Variants in ASCC3 observed in about 807,000 individuals in gnomAD.
ASCC3 encodes the protein ASC-1 complex subunit P200.
In ASCC3, 158 loss-of-function variants were observed where a neutral mutation model predicts 256.3. That is an observed-to-expected ratio of 0.62 (90% CI 0.54 to 0.70). The LOEUF (loss-of-function observed/expected upper bound fraction) is 0.70. Among genes scored for constraint, ASCC3 ranks in the 30% least tolerant of loss-of-function variants. The pLI, the probability that ASCC3 is intolerant of heterozygous loss-of-function variation, is 0.00. For missense variants in ASCC3, 2,259 were observed against 2,626.0 expected (o/e 0.86, Z 3.05); for synonymous variants, 948 against 883.4 (o/e 1.07, Z -1.30).
intron 13 of ASCC3, among the ~76,000 whole-genome samples, chr6:100,694,669 G>C (rs1173106307): frequency 6.6e-6 from 1 of 152,076 alleles, no homozygotes; most frequent in East Asian, 1.9e-4. Flanking sequence ...TAGCTTGAAG[G>C]GGCTTCCACT....
Position 100,804,345 on chromosome 6 carries a change from G to A in ASCC3, c.922+1415C>T, listed in dbSNP as rs78094745. ...TATTCTTGTAACTTTAAGTTTGAAA[G>A]TTGTCAAAATAAAAAGTTGGAGAGA... On this transcript the variant is annotated intron_variant, in intron 5 of 41. Coordinates refer to ENST00000369162, the MANE Select transcript of ASCC3 (RefSeq NM_006828.4). Among the ~76,000 whole-genome samples, 1,929 of 152,112 alleles carry A rather than the reference G, an allele frequency of 0.013. 97 individuals carry two copies. The East Asian group carries it at 0.15, about 12-fold the overall frequency.
intron 4 of ASCC3, among the ~76,000 whole-genome samples, chr6:100,822,699 GTTAC>G (rs1771112479): frequency 6.6e-6 from 1 of 151,998 alleles, no homozygotes; most frequent in Non-Finnish European, 1.5e-5. Flanking sequence ...TACCTACATA[GTTAC>G]TTTCTCCCAC....
intron 36 of ASCC3, among the ~76,000 whole-genome samples, chr6:100,549,883 C>G (rs1769202083): frequency 1.3e-5 from 2 of 151,870 alleles, no homozygotes; most frequent in Non-Finnish European, 2.9e-5. Flanking sequence ...GGCATTTGTT[C>G]TAGGCTTAGA....
intron 30 of ASCC3, among the ~76,000 whole-genome samples, chr6:100,608,108 G>GTATATATATATGTA (rs1244946430): frequency 8.6e-6 from 1 of 115,768 alleles, no homozygotes; most frequent in East Asian, 2.5e-4. Flanking sequence ...ACATATATAT[G>GTATATATATATGTA]TATATATATC....
chr6:100,802,021 T>C (rs561068611), intron 5 of ASCC3, among the ~76,000 whole-genome samples: 13 of 150,594 alleles, frequency 8.6e-5, no homozygotes, highest in African/African-American at 2.4e-4. Context: ...TAAAATATTA[T>C]ACATACTTAT....
At chr6:100,763,075 A>G (rs569234291) in intron 10 of ASCC3, among the ~76,000 whole-genome samples, 13 of 152,332 alleles carry the variant, frequency 8.5e-5, no homozygotes, top group Non-Finnish European at 1.8e-4. Context: ...AAAGCAAGAA[A>G]TTCAAACTCC....
chr6:100,693,960 A>T (rs980001747), intron 13 of ASCC3, among the ~76,000 whole-genome samples: 1 of 151,990 alleles, frequency 6.6e-6, no homozygotes, highest in African/African-American at 2.4e-5. Flanking sequence ...ACTTCTCCCT[A>T]CTCCTAACCT....
At chr6:100,821,651 C>G (rs181592329) in intron 4 of ASCC3, among the ~76,000 whole-genome samples, 108 of 151,964 alleles carry the variant, frequency 7.1e-4, no homozygotes, top group Admixed American at 1.3e-3. Context: ...TGGTGAAACC[C>G]TGTCTCTACT....
At position 100,627,602 on chromosome 6, in the gene ASCC3, G is replaced by C. The variant is rs143842435; in HGVS notation, c.4630C>G (p.Pro1544Ala). 6.2e-7 allele frequency: 1 copy of C among 1,613,372 alleles called. No individual in the cohort carries two copies. Among genetic ancestry groups the C allele is most frequent in the African/African-American group, 1.3e-5 (1 of 74,984 alleles). ...YCPRMASMNK[P>A]AFQAIRSHSP... ...ATCTGAAGCTTACCCTGAAATGCAG[G>C]CTTGTTCATACTAGCCATACGAGGA... is the stretch of plus-strand genomic sequence containing the variant. Residue 1544 changes from proline (P) to alanine (A), a missense_variant, in exon 29 of 42, where the codon CCT (proline) becomes GCT (alanine). Coordinates refer to ENST00000369162, the MANE Select transcript of ASCC3 (RefSeq NM_006828.4).
At chr6:100,716,773 T>C (rs1779106700) in intron 12 of ASCC3, among the ~76,000 whole-genome samples, 1 of 151,926 alleles carries the variant, frequency 6.6e-6, no homozygotes, top group African/African-American at 2.4e-5. Context: ...TTGGATTTAA[T>C]TAGCTTTAGG....
intron 13 of ASCC3, among the ~76,000 whole-genome samples, chr6:100,700,096 C>T (rs1582719543): frequency 1.3e-5 from 2 of 152,136 alleles, no homozygotes; most frequent in South Asian, 4.1e-4. Context: ...GGGAAAATGT[C>T]TCTGGGGCAT....
At chr6:100,518,497 C>A (rs926344798) in intron 37 of ASCC3, among the ~76,000 whole-genome samples, 4 of 152,050 alleles carry the variant, frequency 2.6e-5, no homozygotes, top group Admixed American at 6.6e-5. Context: ...ACATTAGCAG[C>A]TGAATTTAAA....
intron 25 of ASCC3, among the ~76,000 whole-genome samples, chr6:100,631,524 A>T (rs546677410): frequency 2.0e-5 from 3 of 151,896 alleles, no homozygotes; most frequent in Non-Finnish European, 4.4e-5. Context: ...ATGAAATTAT[A>T]TTCTACATAA....
intron 37 of ASCC3, among the ~76,000 whole-genome samples, chr6:100,527,792 T>A (rs1185020026): frequency 6.6e-6 from 1 of 152,052 alleles, no homozygotes; most frequent in African/African-American, 2.4e-5. Context: ...ATTCTCAGAC[T>A]CTACTGTGTG....
intron 14 of ASCC3, among the ~76,000 whole-genome samples, chr6:100,664,541 A>C (rs116705054): frequency 0.03 from 4,577 of 152,194 alleles, 77 homozygotes; most frequent in African/African-American, 0.055. Context: ...TAAACATAAC[A>C]AAAGAGGAGA....
chr6:100,632,408 C>G (rs1337712345), intron 25 of ASCC3, among the ~76,000 whole-genome samples: 1 of 151,796 alleles, frequency 6.6e-6, no homozygotes. Flanking sequence ...AAGCAATCTT[C>G]AGTTTAAATG....
At chr6:100,590,800 T>C (rs147326701) in intron 34 of ASCC3, among the ~76,000 whole-genome samples, 11 of 152,098 alleles carry the variant, frequency 7.2e-5, no homozygotes, top group African/African-American at 2.7e-4. Flanking sequence ...ACTATCTAGA[T>C]GACAATTTTT....
In ASCC3 at chr6:100,673,771, G is replaced by A. The variant is rs372420508; in HGVS notation, c.2286+5847C>T. Among the ~76,000 whole-genome samples the A allele has an allele frequency of 7.2e-5, 11 of 152,230 alleles. No homozygotes were observed. In the East Asian group the frequency reaches 1.9e-3, roughly 27 times the overall value. ...CTTGACTCTTCAACAATCTTCAATA[G>A]CTTCTCACTGCATATAAAGTCTAAA... On this transcript the variant is annotated intron_variant, in intron 14 of 41. Coordinates refer to ENST00000369162, the MANE Select transcript of ASCC3 (RefSeq NM_006828.4).
chr6:100,510,448 G>A, intron 40 of ASCC3: 1 of 257,698 alleles, frequency 3.9e-6, no homozygotes, highest in Non-Finnish European at 7.6e-6. Context: ...ATTGGTAGAT[G>A]AACAAATTGA....
Sources: allele counts gnomAD v4.1 joint callset (sites outside exome capture counted in the v4.1 genomes callset), GRCh38; gene constraint gnomAD v4.1.1; transcripts MANE v1.5; gene names NCBI Gene and HGNC (gene_info 2026-07-23, HGNC 2026-07-21).